The following PKD1 variants were observed in gnomAD, a reference collection of about 807,000 sequenced individuals.
PKD1 encodes polycystin-1.
In PKD1, 81 loss-of-function variants were observed where a neutral mutation model predicts 361.7. The observed-to-expected ratio is 0.22, with a 90% CI of 0.19 to 0.27. The LOEUF (loss-of-function observed/expected upper bound fraction) is 0.27. Ranked by LOEUF, PKD1 falls within the 10% of genes least tolerant of loss-of-function variation. The pLI is 1.00. For missense variants in PKD1, 6,399 were observed against 6,118.3 expected (o/e 1.05, Z -1.53); for synonymous variants, 3,615 against 2,818.3 (o/e 1.28, Z -8.95).
intron 1 of PKD1, among the ~76,000 whole-genome samples, chr16:2,130,069 G>A (rs866930881): frequency 2.1e-4 from 32 of 152,080 alleles, no homozygotes; most frequent in African/African-American, 6.0e-4. Flanking sequence ...AGGAGTGAGC[G>A]TGTGACTTCT....
At chr16:2,122,818 A>C (rs980798409) in intron 1 of PKD1, among the ~76,000 whole-genome samples, 1 of 152,202 alleles carries the variant, frequency 6.6e-6, no homozygotes, top group Non-Finnish European at 1.5e-5. Context: ...CGGTGAACAC[A>C]GGCAGGCCCC....
At chr16:2,117,158 G>A (rs1364905394) in intron 6 of PKD1, 105 bp from the exon 7 acceptor site, 23 of 686,728 alleles carry the variant, frequency 3.3e-5, no homozygotes, top group Non-Finnish European at 5.7e-5. Context: ...TTCCAGATGG[G>A]GAAACTGAGG....
Position 2,111,117 on chromosome 16 carries a change from C to G in PKD1, c.4050G>C (p.Thr1350=). ...RGCPTVTHNF[T]RSGTFPLALV... ...GCGCCAGGGGGAACGTGCCGCTCCG[C>G]GTGAAGTTGTGTGTCACCGTCGGGC... The change falls in exon 15 of 46, where the codon ACG becomes ACC. Residue 1350 remains threonine, a synonymous_variant. Transcript: ENST00000262304. 1 of 1,610,862 alleles carries G rather than the reference C, an allele frequency of 6.2e-7. No individual in the cohort carries two copies. Among genetic ancestry groups the G allele is most frequent in the Non-Finnish European group, 8.5e-7 (1 of 1,179,788 alleles).
chr16:2,114,546 A>C lies in PKD1; in HGVS notation c.2477T>G (p.Val826Gly), dbSNP rs1336117080. Reference sequence around the variant, plus strand: ...GCCGTCGCGGGGGGCAGGGTAGATGACCCGCAGCCCAGCCACTGGGGAGAC... The same window carrying C: ...GCCGTCGCGGGGGGCAGGGTAGATGCCCCGCAGCCCAGCCACTGGGGAGAC... ...DVVSPVAGLR[V>G]IYPAPRDGRL... Residue 826 changes from valine to glycine, a missense_variant, in exon 11 of 46, where the codon GTC becomes GGC. Coordinates refer to ENST00000262304, the MANE Select transcript of PKD1 (RefSeq NM_001009944.3). 6.3e-7 allele frequency: 1 copy of C among 1,593,396 alleles called. No homozygotes were observed. Among genetic ancestry groups the C allele is most frequent in the East Asian group, 2.2e-5 (1 of 44,718 alleles).
chr16:2,113,801 C>T (rs1163410670), intron 11 of PKD1: 1 of 405,124 alleles, frequency 2.5e-6, no homozygotes, highest in Non-Finnish European at 4.6e-6. Context: ...CCGCGGGCAG[C>T]CCGCAGTTTC....
chr16:2,103,259 C>T lies in PKD1; in HGVS notation c.8791+7G>A, dbSNP rs1388862429. On this transcript the variant is annotated splice_region_variant and intron_variant, in intron 23 of 45. Transcript: ENST00000262304. ...GGGGCCGCGTGTGCCCCACCCGCTG[C>T]ACGCACCGTCCAGCAGCGTATAGTT... is the stretch of plus-strand genomic sequence containing the variant. 1 of 1,609,520 alleles carries T rather than the reference C, an allele frequency of 6.2e-7. No homozygotes were observed. Among genetic ancestry groups the T allele is most frequent in the South Asian group, 1.1e-5 (1 of 90,958 alleles).
rs1429724200 is a variant in PKD1, at chr16:2,091,849, C to T, written c.11469G>A (p.Leu3823=). The T allele has an allele frequency of 6.2e-7, 1 of 1,610,440 alleles. No homozygotes were observed. Among genetic ancestry groups the T allele is most frequent in the Non-Finnish European group, 8.5e-7 (1 of 1,179,180 alleles). ...VYDSGGYVQE[L]GLSLEESRDR... is the part of the protein sequence containing the mutation. Reference sequence around the variant, plus strand: ...CGCGGCTCTCCTCCAGGCTCAGGCCCAGCTCCTGCACGTAGCCCCCGCTGT... The same window carrying T: ...CGCGGCTCTCCTCCAGGCTCAGGCCTAGCTCCTGCACGTAGCCCCCGCTGT... Residue 3823 remains leucine, a synonymous_variant, in exon 41 of 46, where the codon CTG becomes CTA. Coordinates refer to ENST00000262304, the MANE Select transcript of PKD1 (RefSeq NM_001009944.3).
At chr16:2,128,353 G>C (rs1342166850) in intron 1 of PKD1, among the ~76,000 whole-genome samples, 1 of 147,602 alleles carries the variant, frequency 6.8e-6, no homozygotes, top group African/African-American at 2.6e-5. Context: ...GAGGTGGGAG[G>C]GGCTGGCAGC....
At chr16:2,129,499 T>A (rs1481760965) in intron 1 of PKD1, among the ~76,000 whole-genome samples, 1 of 151,230 alleles carries the variant, frequency 6.6e-6, no homozygotes, top group Non-Finnish European at 1.5e-5. Context: ...CTGTTGGCCA[T>A]CTGTGCGTCT....
Position 2,088,868 on chromosome 16 carries a change from C to A in PKD1, c.*859G>T. On this transcript the variant is annotated 3_prime_UTR_variant, in exon 46 of 46. Transcript: ENST00000262304. ...CTGCCTGGGCCATACAGCACACTCGCGCGTGCGCGCGCGCACACACACACA... is the reference window on the plus strand; with the variant it reads ...CTGCCTGGGCCATACAGCACACTCGAGCGTGCGCGCGCGCACACACACACA... The A allele has an allele frequency of 1.9e-6, 1 of 522,594 alleles. No individual in the cohort carries two copies. The highest frequency in any genetic ancestry group is 3.4e-6 in the Non-Finnish European group (1 of 289,914). The allele number at this position is 522,594 out of a possible 1,614,324, so 32.4% of individuals were successfully genotyped here.
rs2092325612 is a variant in PKD1, at chr16:2,106,043, G to A, written c.7704-19C>T. The A allele has an allele frequency of 1.9e-6, 3 of 1,606,902 alleles. No individual in the cohort carries two copies. Among genetic ancestry groups the A allele is most frequent in the Admixed American group, 1.7e-5 (1 of 59,988 alleles). On this transcript the variant is annotated intron_variant, in intron 19 of 45. Transcript: ENST00000262304. The surrounding 1 kb of genome is among the most constrained non-coding windows in gnomAD (Gnocchi z 6.5). ...CAAAGACCTACGAGCAGAGGGGGGT[G>A]GTGAGCAGGTGGCAGTCTCGGGGGC... is the stretch of plus-strand genomic sequence containing the variant.
Position 2,106,641 on chromosome 16 carries a change from C to T in PKD1, c.7246G>A (p.Val2416Met). ...AARTFSNKTL[V>M]LDETTTSTGS... ...GTGGATGTGGTGGTCTCATCCAGCACCAGCGTCTTGTTGCTGAACGTACGT... is the reference window on the plus strand; with the variant it reads ...GTGGATGTGGTGGTCTCATCCAGCATCAGCGTCTTGTTGCTGAACGTACGT... Residue 2416 changes from valine (V) to methionine (M), a missense_variant, in exon 18 of 46, where the codon GTG (valine) becomes ATG (methionine). Physicochemically the swap from Val to Met is conservative, Grantham distance 21. Coordinates refer to ENST00000262304, the MANE Select transcript of PKD1 (RefSeq NM_001009944.3). This position sits in a 1 kb window ranked among gnomAD's most constrained non-coding sequence, Gnocchi z 6.5. 1 of 1,598,432 alleles carries T rather than the reference C, an allele frequency of 6.3e-7. No individual in the cohort carries two copies. The highest frequency in any genetic ancestry group is 8.5e-7 in the Non-Finnish European group (1 of 1,179,230).
chr16:2,123,436 C>A (rs1426554967), intron 1 of PKD1: 3 of 456,230 alleles, frequency 6.6e-6, no homozygotes, highest in Non-Finnish European at 1.3e-5. Flanking sequence ...GGACAGGGAA[C>A]AGCACAGGGG....
At chr16:2,097,535 G>A (rs757230370) in intron 32 of PKD1, 32 bp from the exon 33 acceptor site, 3 of 1,602,644 alleles carry the variant, frequency 1.9e-6, no homozygotes, top group African/African-American at 1.3e-5. Context: ...AAGGTACCAG[G>A]GGATGTGTCA....
In PKD1 at chr16:2,090,088, G is replaced by A. The variant is rs1322672666; in HGVS notation, c.12551C>T (p.Ala4184Val). The change falls in exon 46 of 46, where the codon GCC becomes GTC. Residue 4184 changes from alanine (A) to valine (V), a missense_variant. By Grantham distance (64) the Ala-to-Val change is moderately conservative. Coordinates refer to ENST00000262304, the MANE Select transcript of PKD1 (RefSeq NM_001009944.3). Reference sequence around the variant, plus strand: ...GCTGGAGGAGGTGGAGGGGTGCGAGGCATCGGAGCCAGCGCTGGGTGGGGG... The same window carrying A: ...GCTGGAGGAGGTGGAGGGGTGCGAGACATCGGAGCCAGCGCTGGGTGGGGG... ...DVPPPSAGSD[A>V]SHPSTSSSQL... 5.6e-6 allele frequency: 9 copies of A among 1,608,496 alleles called. No individual in the cohort carries two copies. Among genetic ancestry groups the A allele is most frequent in the Non-Finnish European group, 7.6e-6 (9 of 1,177,072 alleles).
At chr16:2,128,908 G>A (rs2092832537) in intron 1 of PKD1, among the ~76,000 whole-genome samples, 1 of 151,876 alleles carries the variant, frequency 6.6e-6, no homozygotes, top group South Asian at 2.1e-4. Context: ...CTGTTGACCA[G>A]GCTAGAGTGC....
intron 26 of PKD1, among the ~76,000 whole-genome samples, chr16:2,101,299 T>C (rs1055791931): frequency 1.2e-4 from 18 of 151,868 alleles, no homozygotes; most frequent in African/African-American, 4.4e-4. Context: ...TTTTTAAAAG[T>C]AGGTAATCAA....
In PKD1 at chr16:2,103,652, G is replaced by C; in HGVS notation, c.8405C>G (p.Pro2802Arg). ...SLLCYGGAPGPGCHFSIPEAF... is the reference protein window; with the variant it reads ...SLLCYGGAPGRGCHFSIPEAF... Reference sequence around the variant, plus strand: ...CTCGGGGATGGAGAAGTGGCAGCCAGGCCCTGGGGCGCCGCCATAGCACAG... The same window carrying C: ...CTCGGGGATGGAGAAGTGGCAGCCACGCCCTGGGGCGCCGCCATAGCACAG... Residue 2802 changes from proline to arginine, a missense_variant, in exon 23 of 46, where the codon CCT becomes CGT. Pro to Arg is a moderately radical substitution (Grantham distance 103, BLOSUM62 -2). Coordinates refer to ENST00000262304, the MANE Select transcript of PKD1 (RefSeq NM_001009944.3). The C allele has an allele frequency of 6.2e-7, 1 of 1,610,336 alleles. No homozygotes were observed. Among genetic ancestry groups the C allele is most frequent in the Non-Finnish European group, 8.5e-7 (1 of 1,179,638 alleles).
intron 1 of PKD1, chr16:2,133,223 C>A (rs1279170570): frequency 2.0e-5 from 3 of 150,296 alleles, no homozygotes; most frequent in African/African-American, 7.4e-5. Flanking sequence ...TCGAGCCACG[C>A]AGAGCAGCAC....
Sources: gnomAD v4.1 joint callset for allele counts (sites outside exome capture counted in the v4.1 genomes callset) on GRCh38, gnomAD v4.1.1 for gene constraint, Gnocchi (gnomAD v3.1) non-coding constraint, MANE v1.5 for transcripts, NCBI Gene and HGNC (gene_info 2026-07-23, HGNC 2026-07-21) for gene names.